CC2D1B: variants seen among roughly 807,000 people sequenced by gnomAD.
CC2D1B encodes coiled-coil and C2 domain containing 1B.
Under a neutral mutation model 110.8 loss-of-function variants are expected in CC2D1B, and 92 were observed. That is an observed-to-expected ratio of 0.83 (90% confidence interval 0.70 to 0.99). CC2D1B has a LOEUF of 0.99. CC2D1B is among the 50% of genes least tolerant of loss of function. CC2D1B has a pLI of 0.00. For missense variants in CC2D1B, 1,136 were observed against 1,089.0 expected, an observed-to-expected ratio of 1.04 and a Z score of -0.61; for synonymous variants, 406 against 429.2, an observed-to-expected ratio of 0.95 and a Z score of 0.67.
In CC2D1B at chr1:52,358,720, C is replaced by A; in HGVS notation, c.1296G>T (p.Arg432=). Residue 432 remains arginine (R), a synonymous_variant, in exon 12 of 25, where the codon CGG becomes CGT. Transcript: ENST00000284376. ...CAGGCAATTCAGCAAAGTTGACTTT[C>A]CGTCCTGCTCGGTGTGCTCGAATAG... ...QDAIRAHRAG[R]KVNFAELPVP... is the part of the protein sequence containing the mutation. 1.2e-6 allele frequency: 2 copies of A among 1,613,416 alleles called. No homozygotes were observed. Among genetic ancestry groups the A allele is most frequent in the Non-Finnish European group, 1.7e-6 (2 of 1,179,826 alleles).
chr1:52,355,645 T>A lies in CC2D1B; in HGVS notation c.2150A>T (p.Asp717Val), dbSNP rs1217970340. Residue 717 changes from aspartate (D) to valine (V), a missense_variant, in exon 20 of 25, where the codon GAT (aspartate) becomes GTT (valine). Asp to Val is a radical substitution (Grantham distance 152). Coordinates refer to ENST00000284376, the MANE Select transcript of CC2D1B (RefSeq NM_001330585.2). ...GTGAAACTCAAACCGCACAAAAGCATCCAGGTCATCGGGAGTCACCCCTGG... is the reference window on the plus strand; with the variant it reads ...GTGAAACTCAAACCGCACAAAAGCAACCAGGTCATCGGGAGTCACCCCTGG... ...APPGVTPDDL[D>V]AFVRFEFHYP... The A allele has an allele frequency of 8.7e-6, 14 of 1,613,980 alleles. No homozygotes were observed. The highest frequency in any genetic ancestry group is 1.2e-5 in the Non-Finnish European group (14 of 1,180,032).
rs1029028405 is a variant in CC2D1B at position 52,352,595 on chromosome 1, A to G, written c.*630T>C. On this transcript the variant is annotated 3_prime_UTR_variant, in exon 25 of 25. Transcript: ENST00000284376. ...ACAGTCTTTTCTCTTGGGTGGGTAG[A>G]CCAAACCCAAGATCCAACCTTCCCC... The G allele has an allele frequency of 1.3e-5, 2 of 152,604 alleles. No individual in the cohort carries two copies. The highest frequency in any genetic ancestry group is 2.9e-5 in the Non-Finnish European group (2 of 68,042). 9.5% of individuals were successfully genotyped at this position (152,604 alleles called of 1,614,324 possible).
chr1:52,357,801 T>C lies in CC2D1B; in HGVS notation c.1559A>G (p.Lys520Arg). The change falls in exon 14 of 25, where the codon AAG becomes AGG. Residue 520 changes from lysine (K) to arginine (R), a missense_variant. Coordinates refer to ENST00000284376, the MANE Select transcript of CC2D1B (RefSeq NM_001330585.2). ...RLPEPRASSSKESPSPSVREQ... is the reference protein window; with the variant it reads ...RLPEPRASSSRESPSPSVREQ... ...CTCACCAGATGGACTCGGTGACTCC[T>C]TAGAACTTGAGGCCCTGGGCTCAGG... 1 of 1,591,770 alleles carries C rather than the reference T, an allele frequency of 6.3e-7. No homozygotes were observed. Among genetic ancestry groups the C allele is most frequent in the African/African-American group, 1.3e-5 (1 of 74,418 alleles).
intron 23 of CC2D1B, 117 bp downstream of exon 23, chr1:52,354,491 T>C (rs761777888): frequency 1.1e-6 from 1 of 887,798 alleles, no homozygotes; most frequent in Non-Finnish European, 1.9e-6. Context: ...TAAGCACACT[T>C]GTGGAGAATT....
intron 23 of CC2D1B, among the ~76,000 whole-genome samples, chr1:52,354,136 A>G (rs1646588552): frequency 6.6e-6 from 1 of 152,168 alleles, no homozygotes; most frequent in African/African-American, 2.4e-5. Flanking sequence ...AAGAAGTCCA[A>G]CCACCCTCAG....
chr1:52,362,740 GC>G lies in CC2D1B; in HGVS notation c.75del (p.Leu26SerfsTer81), dbSNP rs1557555957. On this transcript the variant is annotated frameshift_variant, in exon 3 of 25. Coordinates refer to ENST00000284376, the MANE Select transcript of CC2D1B (RefSeq NM_001330585.2). LOFTEE classifies it high-confidence loss of function. The stretch of plus-strand genomic sequence containing the variant: ...TCCTCAGGGCCAAACTCCATAAAGA[GC>G]CCCATCTGAGAGCAGAGCAGGACTC... Reference protein sequence around the residue: ...GQGVAAAKQMGLFMEFGPEDM... With the variant: ...GQGVAAAKQMXLFMEFGPEDM... The G allele has an allele frequency of 6.2e-7, 1 of 1,613,994 alleles. No individual in the cohort carries two copies. The highest frequency in any genetic ancestry group is 8.5e-7 in the Non-Finnish European group (1 of 1,179,996).
chr1:52,358,662 GC>G (rs918928168), intron 12 of CC2D1B, 23 bp downstream of exon 12: 5 of 1,610,172 alleles, frequency 3.1e-6, no homozygotes, highest in African/African-American at 2.7e-5. Flanking sequence ...TCCTCACAGA[GC>G]CCCTAGGCCA....
At position 52,351,390 on chromosome 1, in the gene CC2D1B, A is replaced by AG. The variant is rs151180088; in HGVS notation, c.*1834dup. On this transcript the variant is annotated 3_prime_UTR_variant, in exon 25 of 25. Transcript: ENST00000284376. ...AACCACAGTGGTCCGTAACCCTCTT[A>AG]GGAAGCACTGGGTTGGATACACACC... 600 of 152,308 alleles carry AG rather than the reference A, an allele frequency of 3.9e-3. 3 individuals carry two copies. Among genetic ancestry groups the AG allele is most frequent in the African/African-American group, 0.014 (572 of 41,556 alleles). 9.4% of individuals were successfully genotyped at this position (152,308 alleles called of 1,614,324 possible).
chr1:52,353,767 G>T, intron 23 of CC2D1B, 120 bp from the exon 24 acceptor site: 2 of 694,046 alleles, frequency 2.9e-6, no homozygotes, highest in East Asian at 2.8e-5. Flanking sequence ...ATGAACACAG[G>T]AATCTCCATT....
At position 52,358,671 on chromosome 1, in the gene CC2D1B, C is replaced by T; in HGVS notation, c.1330+15G>A. The T allele has an allele frequency of 3.1e-6, 5 of 1,612,644 alleles. No individual in the cohort carries two copies. Among genetic ancestry groups the T allele is most frequent in the Non-Finnish European group, 4.2e-6 (5 of 1,179,272 alleles). On this transcript the variant is annotated intron_variant, in intron 12 of 24. Transcript: ENST00000284376. ...ACCACCTCCTCACAGAGCCCCTAGG[C>T]CATGCCCCACTTACCTGGAGGAACA...
rs1569831641 is a variant in CC2D1B at position 52,355,465 on chromosome 1, G to A, written c.2188-16C>T. On this transcript the variant is annotated splice_polypyrimidine_tract_variant and intron_variant, in intron 20 of 24. Transcript: ENST00000284376. Reference sequence around the variant, plus strand: ...GAGCCTGGTCCTAAGCAGTGAGGAGGGAGAAGTCAGGACAGCGTATAAACA... The same window carrying A: ...GAGCCTGGTCCTAAGCAGTGAGGAGAGAGAAGTCAGGACAGCGTATAAACA... 2 of 1,614,150 alleles carry A rather than the reference G, an allele frequency of 1.2e-6. No individual in the cohort carries two copies. Among genetic ancestry groups the A allele is most frequent in the Non-Finnish European group, 1.7e-6 (2 of 1,180,004 alleles).
Position 52,364,534 on chromosome 1 carries a change from G to C in CC2D1B, c.69+18C>G, listed in dbSNP as rs1287375834. On this transcript the variant is annotated intron_variant, in intron 2 of 24. Transcript: ENST00000284376. ...ATCCCCAAACCGACCCAGTAGCCTA[G>C]AAGGCTAAGTTCCATACCTGCTTGG... 1.3e-6 allele frequency: 2 copies of C among 1,566,896 alleles called. No homozygotes were observed. The highest frequency in any genetic ancestry group is 1.7e-6 in the Non-Finnish European group (2 of 1,143,706).
chr1:52,363,342 C>A (rs1336536312), intron 2 of CC2D1B, among the ~76,000 whole-genome samples: 1 of 150,914 alleles, frequency 6.6e-6, no homozygotes, highest in East Asian at 2.0e-4. Context: ...TTGCAGTGAG[C>A]CAAGATGGCG....
In CC2D1B at chr1:52,358,312, G is replaced by A. The variant is rs145846439; in HGVS notation, c.1461+19C>T. The A allele has an allele frequency of 7.9e-3, 12,736 of 1,610,410 alleles. 81 individuals carry two copies. Among genetic ancestry groups the A allele is most frequent in the South Asian group, 0.02 (1,852 of 90,492 alleles). On this transcript the variant is annotated intron_variant, in intron 13 of 24. Coordinates refer to ENST00000284376, the MANE Select transcript of CC2D1B (RefSeq NM_001330585.2). ...TGCTATTCTCCCCACCAGCCCTGGA[G>A]TTGAGCCCTCAACCAAACCTCGTCC...
At chr1:52,358,009 G>T in intron 13 of CC2D1B, 111 bp from the exon 14 acceptor site, 1 of 1,445,832 alleles carries the variant, frequency 6.9e-7, no homozygotes, top group Non-Finnish European at 9.2e-7. Context: ...TGTGTGACCT[G>T]AGATGGGTGG....
intron 2 of CC2D1B, among the ~76,000 whole-genome samples, chr1:52,363,837 C>G (rs1009239659): frequency 1.3e-5 from 2 of 152,090 alleles, no homozygotes; most frequent in Admixed American, 6.5e-5. Flanking sequence ...CATGCCACCA[C>G]GCCCAGCTAA....
At chr1:52,360,604 T>C (rs933501067) in intron 5 of CC2D1B, 55 bp from the exon 6 acceptor site, 2 of 1,580,012 alleles carry the variant, frequency 1.3e-6, no homozygotes, top group African/African-American at 1.4e-5. Context: ...AGGCCTACCA[T>C]TCTCCCTCTG....
chr1:52,353,004 G>A lies in CC2D1B; in HGVS notation c.*221C>T. The A allele has an allele frequency of 2.5e-6, 1 of 393,110 alleles. No homozygotes were observed. Among genetic ancestry groups the A allele is most frequent in the Non-Finnish European group, 5.1e-6 (1 of 196,922 alleles). 24.4% of individuals were successfully genotyped at this position (393,110 alleles called of 1,614,324 possible). Reference sequence around the variant, plus strand: ...AGACTCGGGGCAGGGGGAGACAGCGGGGAGATGGGCTCCTGGAACCCAGCC... The same window carrying A: ...AGACTCGGGGCAGGGGGAGACAGCGAGGAGATGGGCTCCTGGAACCCAGCC... On this transcript the variant is annotated 3_prime_UTR_variant, in exon 25 of 25. Coordinates refer to ENST00000284376, the MANE Select transcript of CC2D1B (RefSeq NM_001330585.2).
intron 15 of CC2D1B, 98 bp from the exon 16 acceptor site, chr1:52,357,224 T>TCTA: frequency 7.1e-7 from 1 of 1,402,478 alleles, no homozygotes; most frequent in East Asian, 2.3e-5. Context: ...TTCTTCAGCT[T>TCTA]CTACTAAAGT....
Sources: allele counts gnomAD v4.1 joint callset (sites outside exome capture counted in the v4.1 genomes callset), GRCh38; gene constraint gnomAD v4.1.1; transcripts MANE v1.5; gene names NCBI Gene and HGNC (gene_info 2026-07-23, HGNC 2026-07-21).